MX2: variants seen among roughly 807,000 people sequenced by gnomAD.
MX2 encodes interferon-induced GTP-binding protein Mx2.
Under a neutral mutation model 74.0 loss-of-function variants are expected in MX2, and 51 were observed. The observed-to-expected ratio is 0.69, with a 90% CI of 0.55 to 0.87. MX2 has a LOEUF of 0.87. Ranked by LOEUF, MX2 falls within the 40% of genes least tolerant of loss-of-function variation. The pLI, the probability that MX2 is intolerant of heterozygous loss-of-function variation, is 0.00. For missense variants in MX2, 832 were observed against 908.7 expected, an observed-to-expected ratio of 0.92 and a Z score of 1.09; for synonymous variants, 369 against 339.3, an observed-to-expected ratio of 1.09 and a Z score of -0.96.
At chr21:41,390,937 C>T (rs182699428) in intron 6 of MX2, among the ~76,000 whole-genome samples, 260 of 150,794 alleles carry the variant, frequency 1.7e-3, no homozygotes, top group Non-Finnish European at 3.3e-3. Flanking sequence ...ACCCGGGAGG[C>T]GGAGCTTGCA....
Position 41,408,571 on chromosome 21 carries a change from A to C in MX2, c.*338A>C, listed in dbSNP as rs1173583157. ...AAGATTATGAGACCCCAGAGGGGGA[A>C]GGTCTGGGTCAAATTCTTCTTTTGT... On this transcript the variant is annotated 3_prime_UTR_variant, in exon 14 of 14. Coordinates refer to ENST00000330714, the MANE Select transcript of MX2 (RefSeq NM_002463.2). The C allele has an allele frequency of 1.5e-5, 4 of 260,338 alleles. No homozygotes were observed. The highest frequency in any genetic ancestry group is 7.3e-6 in the Non-Finnish European group (1 of 136,442). The allele number at this position is 260,338 out of a possible 1,614,324, so 16.1% of individuals were successfully genotyped here. A position where few individuals can be genotyped will look rare whatever the true frequency, so the allele number is the denominator to read the frequency against.
intron 5 of MX2, among the ~76,000 whole-genome samples, chr21:41,384,473 T>TC (rs1366974354): frequency 6.6e-6 from 1 of 152,226 alleles, no homozygotes; most frequent in African/African-American, 2.4e-5. Context: ...GTGCGGTCTC[T>TC]CTAAGCTTTT....
intron 10 of MX2, among the ~76,000 whole-genome samples, chr21:41,399,920 G>A (rs181704799): frequency 4.5e-4 from 68 of 152,278 alleles, no homozygotes; most frequent in African/African-American, 1.1e-3. Context: ...TGAGGAATTC[G>A]CAGAGCAGCC....
At chr21:41,396,724 G>A (rs2089741553) in intron 7 of MX2, among the ~76,000 whole-genome samples, 2 of 152,198 alleles carry the variant, frequency 1.3e-5, no homozygotes, top group Non-Finnish European at 2.9e-5. Context: ...CTGAGTGGAT[G>A]AAACATACTG....
At chr21:41,373,589 A>G (rs1388868281) in intron 1 of MX2, among the ~76,000 whole-genome samples, 1 of 152,058 alleles carries the variant, frequency 6.6e-6, no homozygotes, top group South Asian at 2.1e-4. Flanking sequence ...TCTGCCCTTC[A>G]GCCCCACAGC....
In MX2 at chr21:41,397,912, G is replaced by C. The variant is rs35160314; in HGVS notation, c.1149+221G>C. Among the ~76,000 whole-genome samples, 314 of 152,180 alleles carry C rather than the reference G, an allele frequency of 2.1e-3. 1 individual carries two copies. The highest frequency in any genetic ancestry group is 3.7e-3 in the Non-Finnish European group (252 of 68,012). The stretch of plus-strand genomic sequence containing the variant: ...AACAAATGTTTGAATTGGTCAACAG[G>C]GGGGAAAAAGAAGAGAAGGAAACAG... On this transcript the variant is annotated intron_variant, in intron 8 of 13. Transcript: ENST00000330714.
intron 1 of MX2, among the ~76,000 whole-genome samples, chr21:41,373,674 A>G (rs2089356477): frequency 6.6e-6 from 1 of 152,016 alleles, no homozygotes; most frequent in African/African-American, 2.4e-5. Context: ...CCTCTTTGCC[A>G]TTGTTTCCAA....
At chr21:41,386,535 G>A (rs185142107) in intron 5 of MX2, among the ~76,000 whole-genome samples, 19 of 152,272 alleles carry the variant, frequency 1.2e-4, no homozygotes, top group African/African-American at 2.9e-4. Context: ...AATCCATCCC[G>A]AAACATCTCC....
Position 41,392,752 on chromosome 21 carries a change from T to C in MX2, c.871+2049T>C, listed in dbSNP as rs1392469775. On this transcript the variant is annotated intron_variant, in intron 6 of 13. Coordinates refer to ENST00000330714, the MANE Select transcript of MX2 (RefSeq NM_002463.2). ...CAGAGCAGGGGGGAGCATCCTATTT[T>C]TATGAGTTGAATTATTCCCTTGCAG... is the stretch of plus-strand genomic sequence containing the variant. 2.6e-5 allele frequency among the ~76,000 whole-genome samples: 4 copies of C among 152,184 alleles called. No homozygotes were observed. In the East Asian group the frequency reaches 7.7e-4, roughly 29 times the overall value.
At chr21:41,373,902 C>CA (rs1568932654) in intron 1 of MX2, 5 of 152,048 alleles carry the variant, frequency 3.3e-5, no homozygotes, top group Non-Finnish European at 7.3e-5. Flanking sequence ...AAACAGCAGG[C>CA]GGGAACCAGC....
intron 10 of MX2, 147 bp from the exon 11 acceptor site, chr21:41,401,823 G>T: frequency 2.6e-6 from 2 of 764,690 alleles, no homozygotes; most frequent in South Asian, 4.2e-5. Context: ...ATTAGACCAT[G>T]AATATTTTTC....
Position 41,409,326 on chromosome 21 carries a change from T to A in MX2, c.*1093T>A, listed in dbSNP as rs933769573. On this transcript the variant is annotated 3_prime_UTR_variant, in exon 14 of 14. Coordinates refer to ENST00000330714, the MANE Select transcript of MX2 (RefSeq NM_002463.2). ...CATTATGGGTAATTTTCTTTTCTTC[T>A]TCATGTTTTCCTGTATGTTTCAAAT... 6.6e-6 allele frequency: 1 copy of A among 152,234 alleles called. No individual in the cohort carries two copies. The highest frequency in any genetic ancestry group is 2.4e-5 in the African/African-American group (1 of 41,458). 9.4% of individuals were successfully genotyped at this position (152,234 alleles called of 1,614,324 possible). A position where few individuals can be genotyped will look rare whatever the true frequency, so the allele number is the denominator to read the frequency against.
rs1316911332 is a variant in MX2, at chr21:41,408,176, C to T, written c.2091C>T (p.Tyr697=). The change falls in exon 14 of 14, where the codon TAC becomes TAT. Residue 697 remains tyrosine, a synonymous_variant. Transcript: ENST00000330714. The part of the protein sequence containing the change: ...TKRRILKERI[Y]RLTQARHALC... ...GAAGAATCCTTAAGGAGAGAATTTA[C>T]CGGCTCACTCAGGCGCGACACGCAC... 1.1e-5 allele frequency: 18 copies of T among 1,614,088 alleles called. No homozygotes were observed. The highest frequency in any genetic ancestry group is 1.5e-5 in the Non-Finnish European group (18 of 1,180,046).
At chr21:41,398,783 T>C in intron 8 of MX2, 114 bp from the exon 9 acceptor site, 1 of 1,457,632 alleles carries the variant, frequency 6.9e-7, no homozygotes, top group African/African-American at 1.4e-5. Flanking sequence ...GGCAGGTGGG[T>C]CAAAAATTCC....
chr21:41,403,002 T>G, intron 11 of MX2: 1 of 401,734 alleles, frequency 2.5e-6, no homozygotes, highest in Non-Finnish European at 4.7e-6. Flanking sequence ...TGGGGACCCC[T>G]GATGTAAGGA....
chr21:41,362,299 A>G (rs985262934), intron 1 of MX2, among the ~76,000 whole-genome samples: 30 of 152,182 alleles, frequency 2.0e-4, no homozygotes, highest in African/African-American at 7.0e-4. Flanking sequence ...CCCTGGGGAC[A>G]GGGTGGCCTC....
chr21:41,379,911 G>A, intron 3 of MX2, 106 bp from the exon 4 acceptor site: 3 of 1,445,010 alleles, frequency 2.1e-6, no homozygotes, highest in Non-Finnish European at 2.8e-6. Context: ...GAGCCAGAAA[G>A]TGCAGACGAG....
rs370846824 is a variant in MX2, at chr21:41,368,611, C to T, written c.-72+6556C>T. The stretch of plus-strand genomic sequence containing the variant: ...TCTCAAACTTAATCAGCTCATGATA[C>T]GCTTAGCAAGACCTGCCCTTCATGA... On this transcript the variant is annotated intron_variant, in intron 1 of 13. Transcript: ENST00000330714. This position sits in a 1 kb window ranked among gnomAD's most constrained non-coding sequence, Gnocchi z 4.6. Among the ~76,000 whole-genome samples, 25 of 152,288 alleles carry T rather than the reference C, an allele frequency of 1.6e-4. No homozygotes were observed. Among genetic ancestry groups the T allele is most frequent in the East Asian group, 7.7e-4 (4 of 5,180 alleles).
chr21:41,382,650 G>T, intron 5 of MX2, 86 bp downstream of exon 5: 1 of 1,530,460 alleles, frequency 6.5e-7, no homozygotes, highest in Non-Finnish European at 8.9e-7. Context: ...ACCTCCTGGA[G>T]CCTTTACACT....
Sources: allele counts gnomAD v4.1 joint callset (sites outside exome capture counted in the v4.1 genomes callset), GRCh38; gene constraint gnomAD v4.1.1; non-coding constraint Gnocchi (gnomAD v3.1); transcripts MANE v1.5; gene names NCBI Gene and HGNC (gene_info 2026-07-23, HGNC 2026-07-21).